The following ASIC2 variants were observed in gnomAD, a reference collection of about 807,000 sequenced individuals.
ASIC2 encodes the protein acid-sensing ion channel 2.
Under a neutral mutation model 57.3 loss-of-function variants are expected in ASIC2, and 25 were observed. The observed-to-expected ratio is 0.44, with a 90% CI of 0.32 to 0.61. The LOEUF (loss-of-function observed/expected upper bound fraction) is 0.61. Among genes scored for constraint, ASIC2 ranks in the 20% least tolerant of loss-of-function variants. ASIC2 has a pLI of 0.06. For synonymous variants in ASIC2, 319 were observed against 307.5 expected (o/e 1.04, Z -0.39); for missense variants, 641 against 738.1 (o/e 0.87, Z 1.52).
chr17:34,156,701 G>A lies in ASIC2; in HGVS notation c.-169C>T. ...TGAGAGCCCAGCCGCACGCTGACAG[G>A]GGTGAGTGTTTATATAAAACCCATT... On this transcript the variant is annotated 5_prime_UTR_variant, in exon 1 of 10. Coordinates refer to the ASIC2 transcript ENST00000359872. The surrounding 1 kb of genome is among the most constrained non-coding windows in gnomAD (Gnocchi z 4.4). 1.5e-6 allele frequency: 1 copy of A among 669,830 alleles called. No individual in the cohort carries two copies. Among genetic ancestry groups the A allele is most frequent in the South Asian group, 2.0e-5 (1 of 49,238 alleles). 41.5% of individuals were successfully genotyped at this position (669,830 alleles called of 1,614,324 possible). A position where few individuals can be genotyped will look rare whatever the true frequency, so the allele number is the denominator to read the frequency against.
intron 1 of ASIC2, chr17:34,038,163 G>A: frequency 1.9e-6 from 3 of 1,612,690 alleles, no homozygotes; most frequent in Non-Finnish European, 1.7e-6. Context: ...CCTGGTTTGA[G>A]GTCATAGTGT....
rs966852302 is a variant in ASIC2 at position 34,050,155 on chromosome 17, C to T, written c.555+105823G>A. On this transcript the variant is annotated intron_variant, in intron 1 of 9. Coordinates refer to the ASIC2 transcript ENST00000359872. ...CTGAACCTTGGGAGGCAAAGAATAG[C>T]CCAAGAAGAAAACAGAGAAAATATA... Among the ~76,000 whole-genome samples the T allele has an allele frequency of 3.9e-5, 6 of 152,166 alleles. 1 individual carries two copies. Among genetic ancestry groups the T allele is most frequent in the Admixed American group, 2.0e-4 (3 of 15,272 alleles).
chr17:33,452,776 T>TGTGTGTGTGTGTGTGTGTGA (rs927088214), intron 1 of ASIC2, among the ~76,000 whole-genome samples: 1 of 151,270 alleles, frequency 6.6e-6, no homozygotes, highest in Non-Finnish European at 1.5e-5. Context: ...TGTGTGTGTG[T>TGTGTGTGTGTGTGTGTGTGA]GATAGCCTTT....
chr17:33,588,512 C>T (rs893680199), intron 1 of ASIC2, among the ~76,000 whole-genome samples: 3 of 152,270 alleles, frequency 2.0e-5, no homozygotes, highest in East Asian at 3.9e-4. Context: ...GCCATTCTTC[C>T]GATCCATATT....
In ASIC2 at chr17:33,686,256, T is replaced by C. The variant is rs1181898774; in HGVS notation, c.555+469722A>G. On this transcript the variant is annotated intron_variant, in intron 1 of 9. Coordinates refer to the ASIC2 transcript ENST00000359872. The stretch of plus-strand genomic sequence containing the variant: ...AGAAAGATGGCCAAAGAGCACGCTA[T>C]TCTTGATAAAATCACACTGTATTGG... 2.0e-5 allele frequency among the ~76,000 whole-genome samples: 3 copies of C among 152,112 alleles called. No individual in the cohort carries two copies. In the East Asian group the frequency reaches 5.8e-4, roughly 29 times the overall value.
chr17:33,843,717 G>T (rs1171664925), intron 1 of ASIC2, among the ~76,000 whole-genome samples: 1 of 152,194 alleles, frequency 6.6e-6, no homozygotes, highest in East Asian at 1.9e-4. Flanking sequence ...AGCTTGAAAA[G>T]AGAGTAGTTG....
intron 1 of ASIC2, among the ~76,000 whole-genome samples, chr17:33,923,153 C>T (rs1473146033): frequency 6.6e-6 from 1 of 152,164 alleles, no homozygotes; most frequent in Non-Finnish European, 1.5e-5. Context: ...CTGCCAAGAA[C>T]GTCTACCAGC....
chr17:33,394,723 A>C (rs2141954775), intron 1 of ASIC2, among the ~76,000 whole-genome samples: 1 of 152,216 alleles, frequency 6.6e-6, no homozygotes, highest in South Asian at 2.1e-4. Flanking sequence ...AACTTGCTTC[A>C]CCTTAGAACA....
At chr17:34,099,740 AAG>A (rs1272439017) in intron 1 of ASIC2, among the ~76,000 whole-genome samples, 9 of 876 alleles carry the variant, frequency 0.01, 1 homozygote, top group African/African-American at 0.022. Flanking sequence ...GAAGGAAAGA[AAG>A]AAAGAAAGAA....
chr17:33,733,343 T>A, intron 1 of ASIC2, among the ~76,000 whole-genome samples: 1 of 152,184 alleles, frequency 6.6e-6, no homozygotes, highest in Admixed American at 6.5e-5. Flanking sequence ...CCCCCATCAG[T>A]CCTTTCTCCC....
At chr17:33,869,580 T>C (rs1283043438) in intron 1 of ASIC2, among the ~76,000 whole-genome samples, 1 of 152,190 alleles carries the variant, frequency 6.6e-6, no homozygotes, top group Non-Finnish European at 1.5e-5. Flanking sequence ...GAAGTATAGA[T>C]ACATGCTGCA....
upstream of ASIC2, among the ~76,000 whole-genome samples, chr17:33,293,857 A>T (rs551646793): frequency 6.6e-6 from 1 of 151,992 alleles, no homozygotes; most frequent in South Asian, 2.1e-4. Context: ...TTTGAAATGC[A>T]TGTGTTGATG....
At chr17:33,295,038 C>T (rs948362649), upstream of ASIC2, among the ~76,000 whole-genome samples, 1 of 152,090 alleles carries the variant, frequency 6.6e-6, no homozygotes, top group East Asian at 1.9e-4. Context: ...GCAACCAGGA[C>T]AAGCATGTGC....
At chr17:33,918,213 C>T (rs1002273343) in intron 1 of ASIC2, among the ~76,000 whole-genome samples, 3 of 152,144 alleles carry the variant, frequency 2.0e-5, no homozygotes, top group African/African-American at 7.2e-5. Context: ...ATGAAACCCT[C>T]CCATAAATCT....
intron 1 of ASIC2, among the ~76,000 whole-genome samples, chr17:33,365,680 G>A (rs933074798): frequency 6.6e-6 from 1 of 151,712 alleles, no homozygotes; most frequent in African/African-American, 2.4e-5. Context: ...CTTCTTCCTG[G>A]CCATTAGCTA....
intron 1 of ASIC2, among the ~76,000 whole-genome samples, chr17:33,889,238 T>C (rs1914902678): frequency 6.6e-6 from 1 of 152,074 alleles, no homozygotes. Context: ...CAACCCCCCC[T>C]CGTTTTTCAG....
In ASIC2 at chr17:34,134,754, C is replaced by G. The variant is rs114534424; in HGVS notation, c.555+21224G>C. Among the ~76,000 whole-genome samples the G allele has an allele frequency of 2.4e-3, 367 of 152,302 alleles. 1 individual carries two copies. Among genetic ancestry groups the G allele is most frequent in the African/African-American group, 8.7e-3 (360 of 41,554 alleles). On this transcript the variant is annotated intron_variant, in intron 1 of 9. Transcript: ENST00000359872. ...ATCAGGTCTGACCTCAGGAAGGAAA[C>G]CCTCTGCTTATGACCACTCTCGTAG...
Position 33,539,847 on chromosome 17 carries a change from T to C in ASIC2, c.556-427780A>G, listed in dbSNP as rs1272074432. On this transcript the variant is annotated intron_variant, in intron 1 of 9. Transcript: ENST00000359872. ...AGGGAACAACATGAGACCCATGCAGTGTCATGGGAATGAGTGACAAGGGAC... is the reference window on the plus strand; with the variant it reads ...AGGGAACAACATGAGACCCATGCAGCGTCATGGGAATGAGTGACAAGGGAC... Among the ~76,000 whole-genome samples, 7 of 152,038 alleles carry C rather than the reference T, an allele frequency of 4.6e-5. No individual in the cohort carries two copies. In the East Asian group the frequency reaches 1.4e-3, roughly 29 times the overall value.
intron 1 of ASIC2, among the ~76,000 whole-genome samples, chr17:33,491,359 C>T (rs1390692124): frequency 1.3e-5 from 2 of 152,174 alleles, no homozygotes; most frequent in African/African-American, 4.8e-5. Flanking sequence ...ATTTACCAGT[C>T]CCTGCCTTTG....
Sources: gnomAD v4.1 joint callset for allele counts (sites outside exome capture counted in the v4.1 genomes callset) on GRCh38, gnomAD v4.1.1 for gene constraint, Gnocchi (gnomAD v3.1) non-coding constraint, MANE v1.5 for transcripts, NCBI Gene and HGNC (gene_info 2026-07-23, HGNC 2026-07-21) for gene names.